Variants in SH3D19 observed in about 807,000 individuals in gnomAD.
The protein encoded by SH3D19 is SH3 domain containing 19, also known as SH3 domain-containing protein 19.
A neutral mutation model predicts 112.1 loss-of-function variants in SH3D19; 58 were observed. The ratio of observed to expected loss-of-function variants is 0.52; its 90% CI spans 0.42 to 0.64. SH3D19 has a LOEUF of 0.64. SH3D19 is among the 30% of genes least tolerant of loss of function. The probability of loss-of-function intolerance (pLI) is 0.00; values close to 1 mark genes in which losing one functional copy is unlikely to be tolerated. For missense variants in SH3D19, 1,090 were observed against 1,263.4 expected, an observed-to-expected ratio of 0.86 and a Z score of 2.08; for synonymous variants, 391 against 448.5, an observed-to-expected ratio of 0.87 and a Z score of 1.62.
intron 9 of SH3D19, among the ~76,000 whole-genome samples, chr4:151,158,462 G>A (rs763987165): frequency 6.6e-6 from 1 of 151,924 alleles, no homozygotes; most frequent in Admixed American, 6.6e-5. Flanking sequence ...ACCACGTCCG[G>A]CTAATTTTTG....
chr4:151,143,850 A>G, intron 12 of SH3D19, 60 bp downstream of exon 12: 3 of 1,512,012 alleles, frequency 2.0e-6, no homozygotes, highest in South Asian at 2.6e-5. Context: ...TATAATTAAT[A>G]GTTCCATGAA....
chr4:151,158,071 G>A (rs912183663), intron 9 of SH3D19, among the ~76,000 whole-genome samples: 2 of 152,060 alleles, frequency 1.3e-5, no homozygotes, highest in African/African-American at 2.4e-5. Flanking sequence ...GCTTCAAATA[G>A]CTGGAAGGAA....
intron 1 of SH3D19, chr4:151,261,181 A>G (rs759062733): frequency 2.0e-5 from 3 of 152,154 alleles, no homozygotes; most frequent in Non-Finnish European, 4.4e-5. Context: ...TAGAGGAAAA[A>G]TGCCATATCC....
intron 8 of SH3D19, among the ~76,000 whole-genome samples, chr4:151,165,358 G>A (rs957418597): frequency 1.3e-5 from 2 of 151,636 alleles, no homozygotes; most frequent in African/African-American, 4.9e-5. Context: ...GGAAAAGGAA[G>A]GGAAGGGAAA....
intron 4 of SH3D19, among the ~76,000 whole-genome samples, chr4:151,177,868 G>C (rs750168176): frequency 3.9e-5 from 6 of 152,162 alleles, no homozygotes; most frequent in Non-Finnish European, 7.3e-5. Context: ...GAGCTATAGT[G>C]ATTTAGGCAT....
intron 12 of SH3D19, chr4:151,140,751 A>G (rs1361899778): frequency 6.6e-6 from 1 of 152,180 alleles, no homozygotes; most frequent in Non-Finnish European, 1.5e-5. Context: ...CACCTCCTCT[A>G]ATAACTCTTG....
chr4:151,288,592 CA>C (rs1474627533), intron 1 of SH3D19, among the ~76,000 whole-genome samples: 2 of 151,520 alleles, frequency 1.3e-5, no homozygotes, highest in Non-Finnish European at 2.9e-5. Flanking sequence ...ACTAAAAATA[CA>C]AAAACTTGCT....
intron 1 of SH3D19, among the ~76,000 whole-genome samples, chr4:151,273,589 C>CA (rs60600816): frequency 0.048 from 3,071 of 64,510 alleles, 349 homozygotes; most frequent in African/African-American, 0.18. Flanking sequence ...GACTCCATCT[C>CA]AAAAAAAAAA....
intron 2 of SH3D19, among the ~76,000 whole-genome samples, chr4:151,211,577 T>A (rs201563872): frequency 1.2e-4 from 17 of 141,760 alleles, no homozygotes; most frequent in African/African-American, 1.3e-4. Flanking sequence ...ATCTGTTAAT[T>A]AAAAAAAAAA....
chr4:151,227,685 G>A (rs1044457706), intron 1 of SH3D19: 2 of 922,000 alleles, frequency 2.2e-6, no homozygotes, highest in African/African-American at 3.6e-5. Flanking sequence ...CAAAAATGAA[G>A]TATAATGTCT....
At chr4:151,211,519 A>T (rs1442421439) in intron 2 of SH3D19, among the ~76,000 whole-genome samples, 3 of 152,040 alleles carry the variant, frequency 2.0e-5, no homozygotes, top group Non-Finnish European at 4.4e-5. Flanking sequence ...GCAGGTCGAA[A>T]GCTGAGATAG....
intron 2 of SH3D19, among the ~76,000 whole-genome samples, chr4:151,188,347 A>G (rs1350851488): frequency 6.6e-6 from 1 of 152,204 alleles, no homozygotes; most frequent in Non-Finnish European, 1.5e-5. Flanking sequence ...GCTTTCTGTA[A>G]AACAGCTACA....
intron 2 of SH3D19, among the ~76,000 whole-genome samples, chr4:151,204,261 C>T (rs961231556): frequency 6.6e-6 from 1 of 152,114 alleles, no homozygotes; most frequent in Admixed American, 6.6e-5. Flanking sequence ...ATGTCCAAAT[C>T]GAGGAGTGAG....
chr4:151,242,584 G>C (rs1042165633), intron 1 of SH3D19, among the ~76,000 whole-genome samples: 2 of 152,146 alleles, frequency 1.3e-5, no homozygotes, highest in African/African-American at 2.4e-5. Context: ...GCGAAAGAAA[G>C]TAAAAGCATC....
chr4:151,254,541 T>C (rs1351829999), intron 1 of SH3D19, among the ~76,000 whole-genome samples: 2 of 137,724 alleles, frequency 1.5e-5, no homozygotes, highest in Non-Finnish European at 3.3e-5. Context: ...GCATGCTGCC[T>C]TCAAGCATCT....
At chr4:151,283,064 C>G in intron 1 of SH3D19, 2 of 1,554,428 alleles carry the variant, frequency 1.3e-6, no homozygotes, top group Non-Finnish European at 1.8e-6. Context: ...CTGAATGCTG[C>G]CCCTGCACTT....
At chr4:151,260,079 T>G (rs553126389) in intron 1 of SH3D19, among the ~76,000 whole-genome samples, 2 of 152,348 alleles carry the variant, frequency 1.3e-5, no homozygotes, top group South Asian at 4.1e-4. Context: ...TATTTTAAAA[T>G]ATTTTTATTT....
intron 19 of SH3D19, among the ~76,000 whole-genome samples, chr4:151,125,308 A>C (rs545469236): frequency 2.4e-4 from 36 of 152,102 alleles, no homozygotes; most frequent in South Asian, 6.2e-4. Context: ...AAAGAATACC[A>C]AAAATTAGCC....
chr4:151,325,603 C>T lies in SH3D19; in HGVS notation c.-251G>A, dbSNP rs1349487243. ...GCGGCGTCCCGGCGGCCTCTTAATC[C>T]CTGGCCTTTCCCACTCCCACTCCCG... On this transcript the variant is annotated 5_prime_UTR_variant, in exon 1 of 20. Transcript: ENST00000604030. 2.1e-5 allele frequency: 5 copies of T among 243,436 alleles called. No individual in the cohort carries two copies. The East Asian group carries it at 3.2e-4, about 16-fold the overall frequency. 15.1% of individuals were successfully genotyped at this position (243,436 alleles called of 1,614,324 possible). A position where few individuals can be genotyped will look rare whatever the true frequency, so the allele number is the denominator to read the frequency against.
Sources: allele counts gnomAD v4.1 joint callset (sites outside exome capture counted in the v4.1 genomes callset), GRCh38; gene constraint gnomAD v4.1.1; transcripts MANE v1.5; gene names NCBI Gene and HGNC (gene_info 2026-07-23, HGNC 2026-07-21).